SERPINE3: variants seen among roughly 807,000 people sequenced by gnomAD.
SERPINE3 encodes serpin E3.
A neutral mutation model predicts 41.7 loss-of-function variants in SERPINE3; 43 were observed. The ratio of observed to expected loss-of-function variants is 1.03; its 90% CI spans 0.81 to 1.33. The LOEUF (loss-of-function observed/expected upper bound fraction) is 1.33, where lower values mean the gene tolerates loss of function less well. SERPINE3 is among the 40% of genes most tolerant of loss of function. SERPINE3 has a pLI of 0.00. For synonymous variants in SERPINE3, 200 were observed against 192.2 expected (o/e 1.04, Z -0.34); for missense variants, 440 against 491.7 (o/e 0.89, Z 0.99).
chr13:51,352,068 T>C (rs1593641514), intron 6 of SERPINE3, among the ~76,000 whole-genome samples: 2 of 152,144 alleles, frequency 1.3e-5, no homozygotes, highest in Non-Finnish European at 2.9e-5. Context: ...TTCTTCTTTT[T>C]CAAGATTGTT....
chr13:51,352,410 G>C (rs1955413578), intron 6 of SERPINE3, among the ~76,000 whole-genome samples: 1 of 150,466 alleles, frequency 6.6e-6, no homozygotes, highest in Admixed American at 6.6e-5. Flanking sequence ...AAACACAATT[G>C]ATTTTTGTAT....
At position 51,356,538 on chromosome 13, in the gene SERPINE3, T is replaced by A. The variant is rs185160942; in HGVS notation, c.1000+1395T>A. ...TCTTCTACATCGCTGTATTTTCTTCTACATCACTGTATTCCGTGAATCACT... is the reference window on the plus strand; with the variant it reads ...TCTTCTACATCGCTGTATTTTCTTCAACATCACTGTATTCCGTGAATCACT... On this transcript the variant is annotated intron_variant, in intron 7 of 9. Transcript: ENST00000681248. Among the ~76,000 whole-genome samples the A allele has an allele frequency of 2.3e-3, 346 of 152,282 alleles. 2 individuals carry two copies. The highest frequency in any genetic ancestry group is 1.7e-3 in the Non-Finnish European group (117 of 68,012).
Position 51,341,111 on chromosome 13 carries a change from C to T in SERPINE3, c.20C>T (p.Thr7Ile), listed in dbSNP as rs988390260. 1.1e-5 allele frequency: 17 copies of T among 1,613,974 alleles called. No individual in the cohort carries two copies. The highest frequency in any genetic ancestry group is 1.6e-4 in the Middle Eastern group (1 of 6,062). ...GCCTCCATGCCGCCTTTCCTGATCA[C>T]CCTCTTCCTCTTTCACTCTTGCTGC... MPPFLITLFLFHSCCLR... is the reference protein window; with the variant it reads MPPFLIILFLFHSCCLR... The change falls in exon 3 of 10, where the codon ACC becomes ATC. Residue 7 changes from threonine (T) to isoleucine (I), a missense_variant. Transcript: ENST00000681248.
In SERPINE3 at chr13:51,355,059, C is replaced by G; in HGVS notation, c.916C>G (p.Gln306Glu). 1.3e-6 allele frequency: 2 copies of G among 1,536,058 alleles called. No homozygotes were observed. Among genetic ancestry groups the G allele is most frequent in the Non-Finnish European group, 1.8e-6 (2 of 1,132,068 alleles). ...GCCTTTTAGGTTTAGGATCCAAAAT[C>G]AATTCAACTTAAAAAGCATTTTAAA... ...VFLPRFRIQNQFNLKSILNSW... is the reference protein window; with the variant it reads ...VFLPRFRIQNEFNLKSILNSW... The change falls in exon 7 of 10, where the codon CAA becomes GAA. Residue 306 changes from glutamine (Q) to glutamate (E), a missense_variant. By Grantham distance (29) the Gln-to-Glu change is conservative (BLOSUM62 2). Transcript: ENST00000681248.
intron 9 of SERPINE3, chr13:51,363,062 A>G (rs897503968): frequency 2.0e-5 from 3 of 151,956 alleles, no homozygotes; most frequent in Middle Eastern, 3.4e-3. Context: ...GACAGGTTCT[A>G]CTCCCTAAGG....
chr13:51,359,248 A>G (rs1464135216), intron 7 of SERPINE3, among the ~76,000 whole-genome samples: 4 of 152,094 alleles, frequency 2.6e-5, no homozygotes, highest in Non-Finnish European at 5.9e-5. Flanking sequence ...GTAATATTTC[A>G]ATAGCTACTC....
At chr13:51,362,133 G>A in intron 9 of SERPINE3, 1 of 1,302,298 alleles carries the variant, frequency 7.7e-7, no homozygotes, top group East Asian at 3.0e-5. Flanking sequence ...TATAGTTAAT[G>A]TAGATTTTTT....
At chr13:51,358,181 C>T (rs1194460967) in intron 7 of SERPINE3, among the ~76,000 whole-genome samples, 1 of 152,000 alleles carries the variant, frequency 6.6e-6, no homozygotes. Context: ...GCCCCCTCTC[C>T]CTAACACTTA....
intron 6 of SERPINE3, among the ~76,000 whole-genome samples, chr13:51,350,354 A>G (rs1308830304): frequency 6.6e-6 from 1 of 152,216 alleles, no homozygotes; most frequent in East Asian, 1.9e-4. Context: ...AATAATCAAG[A>G]AAACCAAGAA....
At chr13:51,342,490 C>T (rs760881881) in intron 3 of SERPINE3, among the ~76,000 whole-genome samples, 16 of 152,210 alleles carry the variant, frequency 1.1e-4, no homozygotes, top group Admixed American at 2.6e-4. Context: ...AGTCAACCTC[C>T]GGCATTTTTT....
At position 51,344,484 on chromosome 13, in the gene SERPINE3, A is replaced by G; in HGVS notation, c.489A>G (p.Ala163=). The part of the protein sequence containing the change: ...QTSEGASRET[A]GGGPSEGPGG... ...GCGAAGGGGCCTCCAGAGAGACTGC[A>G]GGTAAAAGAAAACTGTACATTTCAA... Residue 163 remains alanine, a splice_region_variant and synonymous_variant, in exon 4 of 10, where the codon GCA becomes GCG. Transcript: ENST00000681248. The G allele has an allele frequency of 1.9e-6, 3 of 1,566,610 alleles. No individual in the cohort carries two copies. The highest frequency in any genetic ancestry group is 2.6e-6 in the Non-Finnish European group (3 of 1,154,106).
chr13:51,350,762 AG>A (rs2137791375), intron 6 of SERPINE3, among the ~76,000 whole-genome samples: 1 of 152,326 alleles, frequency 6.6e-6, no homozygotes, highest in African/African-American at 2.4e-5. Context: ...CACCTCAAAA[AG>A]AAACCCCATA....
chr13:51,361,425 T>C, intron 8 of SERPINE3, 61 bp downstream of exon 8: 3 of 1,002,420 alleles, frequency 3.0e-6, no homozygotes, highest in East Asian at 2.5e-5. Flanking sequence ...GAAATTTACC[T>C]AGTTGAATCT....
Position 51,361,318 on chromosome 13 carries a change from C to T in SERPINE3, c.1041C>T (p.Ala347=). The T allele has an allele frequency of 2.5e-6, 4 of 1,610,254 alleles. No individual in the cohort carries two copies. Among genetic ancestry groups the T allele is most frequent in the Non-Finnish European group, 3.4e-6 (4 of 1,177,722 alleles). The part of the protein sequence containing the change: ...GFYVSEAIHK[A]KIEVLEEGTK... ...ATGTTTCTGAAGCAATCCACAAGGC[C>T]AAGATTGAAGTTTTGGAGGAAGGCA... The change falls in exon 8 of 10, where the codon GCC becomes GCT. Residue 347 remains alanine, a synonymous_variant. Coordinates refer to ENST00000681248, the MANE Select transcript of SERPINE3 (RefSeq NM_001386375.1).
intron 9 of SERPINE3, chr13:51,362,375 G>T (rs112585939): frequency 0.012 from 1,987 of 168,594 alleles, 32 homozygotes; most frequent in East Asian, 0.07. Context: ...TCAAATGTTT[G>T]CCCTAGTACT....
chr13:51,361,242 T>C (rs747740575), intron 7 of SERPINE3, 36 bp from the exon 8 acceptor site: 4 of 1,367,342 alleles, frequency 2.9e-6, no homozygotes, highest in Non-Finnish European at 4.1e-6. Flanking sequence ...AAAATGTTAA[T>C]GAGCAACTCA....
chr13:51,344,960 T>C (rs901609969), intron 4 of SERPINE3, among the ~76,000 whole-genome samples: 4 of 151,864 alleles, frequency 2.6e-5, no homozygotes, highest in African/African-American at 4.9e-5. Context: ...CTCAGTGTTA[T>C]TGAAGAAAGA....
intron 9 of SERPINE3, chr13:51,363,601 T>C (rs1305307405): frequency 6.6e-6 from 1 of 151,936 alleles, no homozygotes; most frequent in Admixed American, 6.6e-5. Flanking sequence ...CTAAAAGACA[T>C]GATGTTTCCC....
intron 4 of SERPINE3, 95 bp downstream of exon 4, chr13:51,344,580 C>T: frequency 1.1e-6 from 1 of 942,604 alleles, no homozygotes; most frequent in Non-Finnish European, 1.7e-6. Flanking sequence ...GTGCTCAGGC[C>T]ACCTTCAATT....
Sources: gnomAD v4.1 joint callset for allele counts (sites outside exome capture counted in the v4.1 genomes callset) on GRCh38, gnomAD v4.1.1 for gene constraint, MANE v1.5 for transcripts, NCBI Gene and HGNC (gene_info 2026-07-23, HGNC 2026-07-21) for gene names.